The following ATXN7 variants were observed in gnomAD, a reference collection of about 807,000 sequenced individuals.
ATXN7 encodes the protein ataxin 7.
A neutral mutation model predicts 70.5 loss-of-function variants in ATXN7; 12 were observed. The ratio of observed to expected loss-of-function variants is 0.17; its 90% CI spans 0.11 to 0.28. The LOEUF (loss-of-function observed/expected upper bound fraction) is 0.28. Among genes scored for constraint, ATXN7 ranks in the 10% least tolerant of loss-of-function variants. The pLI, the probability that ATXN7 is intolerant of heterozygous loss-of-function variation, is 1.00. For missense variants in ATXN7, 1,256 were observed against 1,131.7 expected, an observed-to-expected ratio of 1.11 and a Z score of -1.58; for synonymous variants, 498 against 448.7, an observed-to-expected ratio of 1.11 and a Z score of -1.39.
chr3:63,964,491 G>GGCTGAGGTCAC (rs2106701497), intron 5 of ATXN7, among the ~76,000 whole-genome samples: 2 of 152,256 alleles, frequency 1.3e-5, no homozygotes, highest in African/African-American at 4.8e-5. Context: ...ATAATGACTG[G>GGCTGAGGTCAC]GCTGAGGTCA....
intron 5 of ATXN7, among the ~76,000 whole-genome samples, chr3:63,960,178 A>G (rs541357884): frequency 1.3e-5 from 2 of 152,334 alleles, no homozygotes; most frequent in East Asian, 3.9e-4. Flanking sequence ...GATGTAGAGG[A>G]CAAGTGCTTC....
intron 1 of ATXN7, among the ~76,000 whole-genome samples, chr3:63,867,447 T>C (rs1332049137): frequency 6.6e-6 from 1 of 152,160 alleles, no homozygotes; most frequent in Non-Finnish European, 1.5e-5. Context: ...CAAGTGATCC[T>C]CCTGCCACAG....
At chr3:63,965,889 A>G (rs1043568447) in intron 5 of ATXN7, among the ~76,000 whole-genome samples, 1 of 152,190 alleles carries the variant, frequency 6.6e-6, no homozygotes, top group Admixed American at 6.5e-5. Context: ...TTTTCCTGGC[A>G]TACACGACCA....
At chr3:63,920,110 CTT>C (rs1311913044) in intron 4 of ATXN7, among the ~76,000 whole-genome samples, 1 of 152,018 alleles carries the variant, frequency 6.6e-6, no homozygotes, top group Non-Finnish European at 1.5e-5. Flanking sequence ...GGCCCCATAT[CTT>C]TATAATTTTG....
chr3:63,923,341 G>C (rs1704575833), intron 4 of ATXN7, among the ~76,000 whole-genome samples: 1 of 152,176 alleles, frequency 6.6e-6, no homozygotes, highest in Non-Finnish European at 1.5e-5. Context: ...TGGAGCCCCA[G>C]CCCTCTAGGG....
At chr3:63,944,239 T>G (rs1352560232) in intron 4 of ATXN7, among the ~76,000 whole-genome samples, 3 of 152,250 alleles carry the variant, frequency 2.0e-5, no homozygotes, top group Non-Finnish European at 2.9e-5. Context: ...CTATATATAC[T>G]GTTTTTTCCT....
chr3:63,929,541 G>T (rs918849441), intron 4 of ATXN7, among the ~76,000 whole-genome samples: 51 of 152,258 alleles, frequency 3.3e-4, no homozygotes, highest in Admixed American at 2.9e-3. Flanking sequence ...AAAGTGCTGG[G>T]ATTACAGGCG....
chr3:63,969,560 TTA>T (rs1323121651), intron 5 of ATXN7, among the ~76,000 whole-genome samples: 1 of 152,236 alleles, frequency 6.6e-6, no homozygotes, highest in Non-Finnish European at 1.5e-5. Flanking sequence ...CTCTCTCTTT[TTA>T]TGTTTTTGTA....
At chr3:63,946,343 A>G (rs1325691482) in intron 4 of ATXN7, among the ~76,000 whole-genome samples, 1 of 152,088 alleles carries the variant, frequency 6.6e-6, no homozygotes, top group Non-Finnish European at 1.5e-5. Context: ...GTTCTGTCCA[A>G]AAGAAGGAAT....
At chr3:63,979,724 C>T (rs2075454056) in intron 5 of ATXN7, among the ~76,000 whole-genome samples, 191 bp from the exon 6 acceptor site, 1 of 152,150 alleles carries the variant, frequency 6.6e-6, no homozygotes, top group Non-Finnish European at 1.5e-5. Context: ...AAGAGAAGGA[C>T]CCGTTCCTAG....
At position 63,996,257 on chromosome 3, in the gene ATXN7, A is replaced by T; in HGVS notation, c.2435A>T (p.Asn812Ile). The T allele has an allele frequency of 6.2e-7, 1 of 1,614,160 alleles. No homozygotes were observed. The highest frequency in any genetic ancestry group is 8.5e-7 in the Non-Finnish European group (1 of 1,180,022). ...LSLGPFIHQS[N>I]ELPVNSHGSF... Reference sequence around the variant, plus strand: ...CTTGGGCCATTCATTCACCAGTCCAATGAACTGCCTGTCAACTCCCACGGC... The same window carrying T: ...CTTGGGCCATTCATTCACCAGTCCATTGAACTGCCTGTCAACTCCCACGGC... Residue 812 changes from asparagine (N) to isoleucine (I), a missense_variant, in exon 12 of 13, where the codon AAT becomes ATT. Asn to Ile is a moderately radical substitution (Grantham distance 149). Transcript: ENST00000674280.
At chr3:63,903,281 G>T (rs1018553870) in intron 2 of ATXN7, among the ~76,000 whole-genome samples, 2 of 151,446 alleles carry the variant, frequency 1.3e-5, no homozygotes, top group Non-Finnish European at 2.9e-5. Flanking sequence ...CACCTACCCC[G>T]GAGGCTGAGG....
chr3:63,972,176 G>T (rs1441407448), intron 5 of ATXN7, among the ~76,000 whole-genome samples: 3 of 152,156 alleles, frequency 2.0e-5, no homozygotes, highest in African/African-American at 7.2e-5. Context: ...ATTTTGTGAA[G>T]GGACAGCTTA....
intron 1 of ATXN7, among the ~76,000 whole-genome samples, chr3:63,868,461 T>C (rs976118756): frequency 1.3e-5 from 2 of 152,188 alleles, no homozygotes; most frequent in Admixed American, 6.5e-5. Context: ...TTAATAAACA[T>C]CTGAGGAAAC....
intron 1 of ATXN7, among the ~76,000 whole-genome samples, chr3:63,887,059 G>A (rs989968004): frequency 1.3e-5 from 2 of 152,156 alleles, no homozygotes; most frequent in East Asian, 1.9e-4. Flanking sequence ...TGGAAATGTA[G>A]GTCAAATTGC....
chr3:63,947,873 C>T (rs1304687575), intron 4 of ATXN7, among the ~76,000 whole-genome samples: 1 of 151,944 alleles, frequency 6.6e-6, no homozygotes, highest in Non-Finnish European at 1.5e-5. Flanking sequence ...GAAGGGAGGT[C>T]AGTGTGCCTG....
intron 4 of ATXN7, among the ~76,000 whole-genome samples, chr3:63,917,109 G>A (rs201809190): frequency 1.3e-5 from 2 of 151,852 alleles, no homozygotes; most frequent in African/African-American, 2.4e-5. Context: ...TAGTAGAGAC[G>A]GGGTTTCACC....
chr3:63,998,650 A>G lies in ATXN7; in HGVS notation c.2662-800A>G, dbSNP rs968223398. On this transcript the variant is annotated intron_variant, in intron 12 of 12. Transcript: ENST00000674280. ...TATGCTACACAAATCCTGGGGCAAG[A>G]GCAGGGGTGCTTGCTTAGAGATCAA... 1.9e-5 allele frequency: 19 copies of G among 985,444 alleles called. No individual in the cohort carries two copies. In the South Asian group the frequency reaches 7.0e-4, roughly 37 times the overall value. The allele number at this position is 985,444 out of a possible 1,614,324, so 61.0% of individuals were successfully genotyped here.
chr3:63,962,597 A>G (rs2075148422), intron 5 of ATXN7, among the ~76,000 whole-genome samples: 1 of 151,748 alleles, frequency 6.6e-6, no homozygotes, highest in Non-Finnish European at 1.5e-5. Flanking sequence ...TAGAGACAGA[A>G]TTTCGCCATG....
Sources: allele counts gnomAD v4.1 joint callset (sites outside exome capture counted in the v4.1 genomes callset), GRCh38; gene constraint gnomAD v4.1.1; transcripts MANE v1.5; gene names NCBI Gene and HGNC (gene_info 2026-07-23, HGNC 2026-07-21).